The following ST6GALNAC3 variants were observed in gnomAD, a reference collection of about 807,000 sequenced individuals.
The protein encoded by ST6GALNAC3 is alpha-N-acetylgalactosaminide alpha-2,6-sialyltransferase 3.
In ST6GALNAC3, 25 loss-of-function variants were observed where a neutral mutation model predicts 32.7. The observed-to-expected ratio is 0.76, with a 90% CI of 0.56 to 1.07. The LOEUF is 1.07. Ranked by LOEUF, ST6GALNAC3 falls within the 50% of genes least tolerant of loss-of-function variation. The probability of loss-of-function intolerance (pLI) is 0.00; values close to 1 mark genes in which losing one functional copy is unlikely to be tolerated. For synonymous variants in ST6GALNAC3, 129 were observed against 133.1 expected (o/e 0.97, Z 0.21); for missense variants, 355 against 382.4 (o/e 0.93, Z 0.60).
At chr1:76,468,147 TAGGCAAGTGAGTG>T (rs1658769446) in intron 3 of ST6GALNAC3, among the ~76,000 whole-genome samples, 1 of 151,918 alleles carries the variant, frequency 6.6e-6, no homozygotes. Context: ...TCTGCAAAGA[TAGGCAAGTGAGTG>T]AGGGTGGGTC....
At chr1:76,574,889 G>A (rs2100517385) in intron 3 of ST6GALNAC3, among the ~76,000 whole-genome samples, 1 of 152,190 alleles carries the variant, frequency 6.6e-6, no homozygotes, top group East Asian at 1.9e-4. Context: ...TTGGCTAGTT[G>A]AGAAGGTGGC....
chr1:76,180,207 T>C (rs748966116), intron 1 of ST6GALNAC3, among the ~76,000 whole-genome samples: 12 of 152,222 alleles, frequency 7.9e-5, no homozygotes, highest in Non-Finnish European at 1.3e-4. Context: ...TTAGTAAATC[T>C]GAGTTTTAAA....
chr1:76,304,517 A>T (rs1415656531), intron 1 of ST6GALNAC3, among the ~76,000 whole-genome samples: 2 of 151,902 alleles, frequency 1.3e-5, no homozygotes, highest in African/African-American at 2.4e-5. Flanking sequence ...CAAGGGGGCC[A>T]GGAGGAGCAG....
intron 3 of ST6GALNAC3, among the ~76,000 whole-genome samples, chr1:76,548,333 C>T (rs1664419642): frequency 6.6e-6 from 1 of 152,130 alleles, no homozygotes; most frequent in Non-Finnish European, 1.5e-5. Context: ...TGGCCCAGGC[C>T]AGTAGATATT....
At chr1:76,422,956 GCT>G (rs1217446015) in intron 3 of ST6GALNAC3, among the ~76,000 whole-genome samples, 1 of 151,974 alleles carries the variant, frequency 6.6e-6, no homozygotes, top group Non-Finnish European at 1.5e-5. Flanking sequence ...ACCAGATGGT[GCT>G]GCTCAGTAGC....
At chr1:76,532,197 A>C (rs180901198) in intron 3 of ST6GALNAC3, among the ~76,000 whole-genome samples, 1 of 152,154 alleles carries the variant, frequency 6.6e-6, no homozygotes, top group African/African-American at 2.4e-5. Flanking sequence ...GCTACGTAGG[A>C]AACTTGAGCC....
At chr1:76,413,090 C>A in intron 3 of ST6GALNAC3, 1 of 227,980 alleles carries the variant, frequency 4.4e-6, no homozygotes, top group South Asian at 5.0e-5. Flanking sequence ...CTGTAAACTA[C>A]ACTTCGCACT....
At chr1:76,400,605 C>T (rs1324110086) in intron 2 of ST6GALNAC3, among the ~76,000 whole-genome samples, 4 of 152,158 alleles carry the variant, frequency 2.6e-5, no homozygotes, top group Non-Finnish European at 4.4e-5. Flanking sequence ...TGTAATGTTA[C>T]GCTGGGCATG....
At chr1:76,242,514 T>G (rs1657026347) in intron 1 of ST6GALNAC3, among the ~76,000 whole-genome samples, 1 of 152,146 alleles carries the variant, frequency 6.6e-6, no homozygotes, top group South Asian at 2.1e-4. Flanking sequence ...GGTATACATG[T>G]GGCATGGTGG....
chr1:76,349,587 A>T (rs571079697), intron 2 of ST6GALNAC3, among the ~76,000 whole-genome samples: 1 of 152,304 alleles, frequency 6.6e-6, no homozygotes, highest in South Asian at 2.1e-4. Flanking sequence ...GACCCAAAAG[A>T]TTTGGAGGGA....
At chr1:76,349,289 A>C (rs1379032614) in intron 2 of ST6GALNAC3, among the ~76,000 whole-genome samples, 1 of 152,122 alleles carries the variant, frequency 6.6e-6, no homozygotes, top group Admixed American at 6.6e-5. Flanking sequence ...TGAACACCAG[A>C]CTTGTTGTCT....
rs548357970 is a variant in ST6GALNAC3 at position 76,485,300 on chromosome 1, C to G, written c.623+72883C>G. Among the ~76,000 whole-genome samples, 13 of 152,262 alleles carry G rather than the reference C, an allele frequency of 8.5e-5. No individual in the cohort carries two copies. In the South Asian group the frequency reaches 2.7e-3, roughly 32 times the overall value. Reference sequence around the variant, plus strand: ...TGGAATAGTTTCAGAAGGAATGGTACCAGCTCCTCCTTGTACCTCTGGTAG... The same window carrying G: ...TGGAATAGTTTCAGAAGGAATGGTAGCAGCTCCTCCTTGTACCTCTGGTAG... On this transcript the variant is annotated intron_variant, in intron 3 of 4. Coordinates refer to ENST00000328299, the MANE Select transcript of ST6GALNAC3 (RefSeq NM_152996.4).
chr1:76,453,108 C>G (rs1451918354), intron 3 of ST6GALNAC3, among the ~76,000 whole-genome samples: 1 of 152,110 alleles, frequency 6.6e-6, no homozygotes, highest in Non-Finnish European at 1.5e-5. Context: ...TCATATTTCT[C>G]TGTTGTCAGT....
chr1:76,514,008 A>ATACT (rs1385331975), intron 3 of ST6GALNAC3, among the ~76,000 whole-genome samples: 1 of 152,114 alleles, frequency 6.6e-6, no homozygotes, highest in Non-Finnish European at 1.5e-5. Flanking sequence ...ATGTTGATTT[A>ATACT]GTGTGCTGTG....
intron 2 of ST6GALNAC3, among the ~76,000 whole-genome samples, chr1:76,411,535 T>C (rs1220391663): frequency 6.6e-6 from 1 of 152,160 alleles, no homozygotes; most frequent in African/African-American, 2.4e-5. Flanking sequence ...CATTGCTTGC[T>C]GAACTCTTCA....
intron 3 of ST6GALNAC3, among the ~76,000 whole-genome samples, chr1:76,487,023 T>C (rs548982969): frequency 1.3e-4 from 20 of 152,310 alleles, no homozygotes; most frequent in African/African-American, 4.8e-4. Context: ...GGATTGAAAA[T>C]TCTTCTCTTT....
intron 1 of ST6GALNAC3, among the ~76,000 whole-genome samples, chr1:76,139,687 G>A (rs1179741478): frequency 6.6e-6 from 1 of 152,088 alleles, no homozygotes; most frequent in African/African-American, 2.4e-5. Context: ...CAGGTTTCTG[G>A]GCTCAGAGCA....
chr1:76,460,740 T>C (rs571894887), intron 3 of ST6GALNAC3, among the ~76,000 whole-genome samples: 1 of 152,350 alleles, frequency 6.6e-6, no homozygotes, highest in East Asian at 1.9e-4. Flanking sequence ...CTGTTATCTA[T>C]CATTTATTTG....
chr1:76,416,097 A>G (rs1176514738), intron 3 of ST6GALNAC3, among the ~76,000 whole-genome samples: 2 of 151,590 alleles, frequency 1.3e-5, no homozygotes, highest in Non-Finnish European at 2.9e-5. Flanking sequence ...TAAGAATAAC[A>G]GCACAACAAG....
Sources: allele counts gnomAD v4.1 joint callset (sites outside exome capture counted in the v4.1 genomes callset), GRCh38; gene constraint gnomAD v4.1.1; transcripts MANE v1.5; gene names NCBI Gene and HGNC (gene_info 2026-07-23, HGNC 2026-07-21).